POU3F3: variants seen among roughly 807,000 people sequenced by gnomAD.
POU3F3 encodes the protein POU class 3 homeobox 3, also known as POU domain, class 3, transcription factor 3.
POU3F3 carries 1 observed loss-of-function variant against 8.6 expected under a neutral mutation model. That is an observed-to-expected ratio of 0.12 (90% confidence interval 0.04 to 0.55). The LOEUF (loss-of-function observed/expected upper bound fraction) is 0.55. Ranked by LOEUF, POU3F3 falls within the 20% of genes least tolerant of loss-of-function variation. The pLI, the probability that POU3F3 is intolerant of heterozygous loss-of-function variation, is 0.91. For missense variants in POU3F3, 577 were observed against 690.7 expected (o/e 0.84, Z 1.84); for synonymous variants, 418 against 327.4 (o/e 1.28, Z -2.99).
At chr2:104,867,897 T>A in the POU3F3 span, 1 of 211,772 alleles carries the variant, frequency 4.7e-6, no homozygotes, top group Admixed American at 5.2e-5. This position sits in a 1 kb window ranked among gnomAD's most constrained non-coding sequence, Gnocchi z 5.0. Context: ...CAGCCAAGGC[T>A]GCGCACTCCG....
At chr2:104,863,610 G>C in the POU3F3 span, among the ~76,000 whole-genome samples, 2 of 152,190 alleles carry the variant, frequency 1.3e-5, no homozygotes, top group East Asian at 3.9e-4. Flanking sequence ...CCAGGGCCCT[G>C]GAGCCCTGGA....
the POU3F3 span, among the ~76,000 whole-genome samples, chr2:104,872,053 C>T: frequency 1.3e-5 from 2 of 151,978 alleles, no homozygotes; most frequent in Non-Finnish European, 2.9e-5. The surrounding 1 kb of genome is among the most constrained non-coding windows in gnomAD (Gnocchi z 4.6). Context: ...GCGCTCCCCA[C>T]CCCCGAACAC....
the POU3F3 span, among the ~76,000 whole-genome samples, chr2:104,883,585 T>G: frequency 6.6e-6 from 1 of 152,178 alleles, no homozygotes; most frequent in Non-Finnish European, 1.5e-5. Flanking sequence ...CTCACCATTC[T>G]CATCCCATTT....
At chr2:104,899,817 C>G in the POU3F3 span, among the ~76,000 whole-genome samples, 2 of 152,170 alleles carry the variant, frequency 1.3e-5, no homozygotes, top group Admixed American at 1.3e-4. Context: ...AGGGAGGGGA[C>G]CGTGATGCCA....
chr2:104,897,050 G>A, the POU3F3 span, among the ~76,000 whole-genome samples: 4 of 152,118 alleles, frequency 2.6e-5, no homozygotes, highest in Admixed American at 6.5e-5. Context: ...GAAAGCTTAC[G>A]GTTAAAATCC....
the POU3F3 span, among the ~76,000 whole-genome samples, chr2:104,875,120 A>C: frequency 6.6e-6 from 1 of 152,136 alleles, no homozygotes; most frequent in African/African-American, 2.4e-5. Context: ...GGCTTCTTTC[A>C]CTTAACATCT....
At chr2:104,868,723 G>A in the POU3F3 span, among the ~76,000 whole-genome samples, 3 of 152,176 alleles carry the variant, frequency 2.0e-5, no homozygotes, top group Admixed American at 6.5e-5. Flanking sequence ...GGGCAGAGGA[G>A]GGGGAGGCAA....
At chr2:104,890,802 A>G in the POU3F3 span, among the ~76,000 whole-genome samples, 2 of 152,204 alleles carry the variant, frequency 1.3e-5, no homozygotes, top group Non-Finnish European at 2.9e-5. Flanking sequence ...CGCGGGCCAC[A>G]TGGGTGCATG....
At position 104,855,915 on chromosome 2, in the gene POU3F3, G is replaced by A. The variant is rs1275823243; in HGVS notation, c.405G>A (p.Gln135=). ...SAVGMAGSPQ[Q]PPQPPPPPPQ... ...TGGGCATGGCTGGCAGCCCCCAGCAGCCACCGCAGCCGCCGCCGCCACCGC... is the reference window on the plus strand; with the variant it reads ...TGGGCATGGCTGGCAGCCCCCAGCAACCACCGCAGCCGCCGCCGCCACCGC... Residue 135 remains glutamine, a synonymous_variant, in exon 1 of 1, where the codon CAG becomes CAA. Transcript: ENST00000361360. 13 of 1,065,166 alleles carry A rather than the reference G, an allele frequency of 1.2e-5. No individual in the cohort carries two copies. The highest frequency in any genetic ancestry group is 1.5e-5 in the Non-Finnish European group (13 of 881,842). 66.0% of individuals were successfully genotyped at this position (1,065,166 alleles called of 1,614,324 possible).
chr2:104,862,542 G>C (rs1676677681), downstream of POU3F3, among the ~76,000 whole-genome samples: 1 of 150,916 alleles, frequency 6.6e-6, no homozygotes, highest in Non-Finnish European at 1.5e-5. Context: ...GCTTCTCTCC[G>C]GGAGGGAGGG....
chr2:104,873,751 C>T, the POU3F3 span, among the ~76,000 whole-genome samples: 38 of 152,198 alleles, frequency 2.5e-4, no homozygotes, highest in Non-Finnish European at 1.5e-5. Flanking sequence ...TTCCCAATTA[C>T]CACCACCAAA....
chr2:104,872,279 G>C, the POU3F3 span: 1 of 456,660 alleles, frequency 2.2e-6, no homozygotes, highest in Non-Finnish European at 4.4e-6. The surrounding 1 kb of genome is among the most constrained non-coding windows in gnomAD (Gnocchi z 4.6). Context: ...ATACAGACAG[G>C]AAACCGGCCT....
the POU3F3 span, among the ~76,000 whole-genome samples, chr2:104,909,240 A>G: frequency 6.6e-6 from 1 of 152,232 alleles, no homozygotes; most frequent in Admixed American, 6.5e-5. Flanking sequence ...TCGGCTCCCA[A>G]GTCTCTGCCT....
At chr2:104,879,364 G>A in the POU3F3 span, among the ~76,000 whole-genome samples, 2,079 of 152,260 alleles carry the variant, frequency 0.014, 49 homozygotes, top group African/African-American at 0.047. Flanking sequence ...CAGCTGCACA[G>A]TCTTCCGGTC....
chr2:104,887,846 A>G, the POU3F3 span, among the ~76,000 whole-genome samples: 1 of 152,192 alleles, frequency 6.6e-6, no homozygotes, highest in African/African-American at 2.4e-5. Context: ...ATGCAAAAGC[A>G]TTTTATTTTC....
the POU3F3 span, among the ~76,000 whole-genome samples, chr2:104,894,643 G>GC: frequency 1 from 152,368 of 152,368 alleles, 76,184 homozygotes; most frequent in Non-Finnish European, 1. Flanking sequence ...GCCAGGCTGT[G>GC]CTTTCAGGAC....
chr2:104,881,114 A>C, the POU3F3 span, among the ~76,000 whole-genome samples: 59 of 101,024 alleles, frequency 5.8e-4, no homozygotes, highest in African/African-American at 1.7e-3. Context: ...TTCTTTCTTT[A>C]TTTCTTACTT....
chr2:104,917,045 C>A, the POU3F3 span, among the ~76,000 whole-genome samples: 8 of 152,332 alleles, frequency 5.3e-5, no homozygotes, highest in South Asian at 1.7e-3. Flanking sequence ...TGAACAGAGA[C>A]ATCCATCTTC....
the POU3F3 span, among the ~76,000 whole-genome samples, chr2:104,863,932 C>A: frequency 6.6e-6 from 1 of 152,204 alleles, no homozygotes; most frequent in Non-Finnish European, 1.5e-5. Flanking sequence ...AGGCGGCCGG[C>A]GGCTTTGTGG....
Sources: allele counts gnomAD v4.1 joint callset (sites outside exome capture counted in the v4.1 genomes callset), GRCh38; gene constraint gnomAD v4.1.1; non-coding constraint Gnocchi (gnomAD v3.1); transcripts MANE v1.5; gene names NCBI Gene and HGNC (gene_info 2026-07-23, HGNC 2026-07-21).